SORD: variants seen among roughly 807,000 people sequenced by gnomAD.
The protein encoded by SORD is sorbitol dehydrogenase.
In SORD, 18 loss-of-function variants were observed where a neutral mutation model predicts 35.6. The observed-to-expected ratio is 0.51, with a 90% CI of 0.35 to 0.75. The LOEUF is 0.75. SORD is among the 30% of genes least tolerant of loss of function. SORD has a pLI of 0.01. For missense variants in SORD, 250 were observed against 390.2 expected (o/e 0.64, Z 3.03); for synonymous variants, 106 against 152.9 (o/e 0.69, Z 2.26).
At chr15:45,023,453 A>G (rs1415759521) in intron 1 of SORD, 104 bp downstream of exon 1, 2 of 1,041,628 alleles carry the variant, frequency 1.9e-6, no homozygotes, top group Non-Finnish European at 2.6e-6. Context: ...CCGGCCCCGC[A>G]CCTTAAGCGC....
At position 45,045,540 on chromosome 15, in the gene SORD, A is replaced by T. The variant is rs1459662276; in HGVS notation, c.265+2119A>T. Among the ~76,000 whole-genome samples, 169 of 47,462 alleles carry T rather than the reference A, an allele frequency of 3.6e-3. 1 individual carries two copies. In the Middle Eastern group the frequency reaches 0.043, roughly 12 times the overall value. The allele number at this position is 47,462 out of a possible 152,430, so 31.1% of individuals were successfully genotyped here. A position where few individuals can be genotyped will look rare whatever the true frequency, so the allele number is the denominator to read the frequency against. Reference sequence around the variant, plus strand: ...TTGGTGAGAGACAGAGCAAGACTCCATCTCAAAAAAAAAAAAAAAAAAAAA... The same window carrying T: ...TTGGTGAGAGACAGAGCAAGACTCCTTCTCAAAAAAAAAAAAAAAAAAAAA... On this transcript the variant is annotated intron_variant, in intron 3 of 8. Transcript: ENST00000267814.
At chr15:45,040,588 C>T in intron 2 of SORD, 147 bp downstream of exon 2, 1 of 670,014 alleles carries the variant, frequency 1.5e-6, no homozygotes, top group Admixed American at 2.6e-5. Flanking sequence ...AGGCTGAGAA[C>T]AGAGTCTACT....
intron 3 of SORD, among the ~76,000 whole-genome samples, chr15:45,051,355 C>T (rs936513781): frequency 7.9e-5 from 12 of 152,270 alleles, no homozygotes; most frequent in African/African-American, 2.4e-4. Flanking sequence ...GGCAATCCCA[C>T]GTAACTAAAC....
chr15:45,024,197 A>G, intron 1 of SORD, among the ~76,000 whole-genome samples: 1 of 152,104 alleles, frequency 6.6e-6, no homozygotes, highest in East Asian at 1.9e-4. Flanking sequence ...TGGGCCTGGG[A>G]TGGCAGTGGG....
chr15:45,046,260 C>G lies in SORD; in HGVS notation c.265+2839C>G, dbSNP rs548664890. Among the ~76,000 whole-genome samples the G allele has an allele frequency of 1.6e-4, 24 of 152,114 alleles. No homozygotes were observed. The East Asian group carries it at 1.9e-3, about 12-fold the overall frequency. On this transcript the variant is annotated intron_variant, in intron 3 of 8. Transcript: ENST00000267814. ...GACAAATATAGACATTTTATTTTTTCGAGATGAAGTCTCATTCTGTTGTCC... is the reference window on the plus strand; with the variant it reads ...GACAAATATAGACATTTTATTTTTTGGAGATGAAGTCTCATTCTGTTGTCC...
chr15:45,048,311 T>C (rs952905285), intron 3 of SORD, among the ~76,000 whole-genome samples: 1 of 152,186 alleles, frequency 6.6e-6, no homozygotes, highest in Non-Finnish European at 1.5e-5. Context: ...GCAATAAAAA[T>C]TTGTCTAGCA....
At chr15:45,058,930 A>G (rs1012054067) in intron 3 of SORD, among the ~76,000 whole-genome samples, 6 of 152,204 alleles carry the variant, frequency 3.9e-5, no homozygotes, top group South Asian at 2.1e-4. Flanking sequence ...AACTACGGGC[A>G]TGTTTTAAGC....
chr15:45,026,875 T>G (rs879697042), intron 1 of SORD, among the ~76,000 whole-genome samples: 26,747 of 130,970 alleles, frequency 0.2, no homozygotes, highest in African/African-American at 0.47. Context: ...AATGCGACCT[T>G]AGTCCACTTT....
At chr15:45,027,892 T>A (rs72722060) in intron 1 of SORD, among the ~76,000 whole-genome samples, 11,343 of 150,610 alleles carry the variant, frequency 0.075, 84 homozygotes, top group African/African-American at 0.17. Flanking sequence ...ATTGACTGCC[T>A]ACTGCATTCC....
chr15:45,061,740 G>A (rs945655181), intron 4 of SORD, among the ~76,000 whole-genome samples: 2 of 151,978 alleles, frequency 1.3e-5, no homozygotes, highest in African/African-American at 2.4e-5. Flanking sequence ...CTGGTGGCAG[G>A]CACCTGTAGT....
chr15:45,023,772 T>C (rs1040584200), intron 1 of SORD, among the ~76,000 whole-genome samples: 1 of 152,212 alleles, frequency 6.6e-6, no homozygotes, highest in Non-Finnish European at 1.5e-5. Flanking sequence ...ACAGCAGAAC[T>C]TGTATTTAAC....
intron 5 of SORD, among the ~76,000 whole-genome samples, chr15:45,065,703 T>G (rs1346126817): frequency 6.6e-6 from 1 of 152,230 alleles, no homozygotes; most frequent in Non-Finnish European, 1.5e-5. Context: ...GTGGATCACC[T>G]GAGCCCAGGA....
intron 1 of SORD, among the ~76,000 whole-genome samples, chr15:45,031,166 A>G (rs1892778916): frequency 1.3e-5 from 2 of 152,314 alleles, no homozygotes; most frequent in South Asian, 4.1e-4. Context: ...AAAAATGTAA[A>G]AAGTAGCCGG....
rs745509632 is a variant in SORD, at chr15:45,061,129, C to A, written c.328C>A (p.Arg110=). 1.2e-6 allele frequency: 2 copies of A among 1,614,140 alleles called. No individual in the cohort carries two copies. The highest frequency in any genetic ancestry group is 1.7e-6 in the Non-Finnish European group (2 of 1,180,008). The part of the protein sequence containing the change: ...RENDEFCKMG[R]YNLSPSIFFC... ...AAATGATGAATTCTGCAAGATGGGC[C>A]GATACAATCTGTCACCTTCCATCTT... The change falls in exon 4 of 9, where the codon CGA becomes AGA. Residue 110 remains arginine, a synonymous_variant. Transcript: ENST00000267814.
intron 1 of SORD, among the ~76,000 whole-genome samples, chr15:45,031,409 C>T (rs1458802006): frequency 6.6e-6 from 1 of 151,950 alleles, no homozygotes; most frequent in African/African-American, 2.4e-5. Context: ...ATTTGGATTT[C>T]CCTTGAAACA....
intron 5 of SORD, among the ~76,000 whole-genome samples, chr15:45,065,857 GT>G (rs1412774268): frequency 6.6e-6 from 1 of 151,990 alleles, no homozygotes; most frequent in Admixed American, 6.5e-5. Flanking sequence ...GAGGTCAAGG[GT>G]GCAGCGAGCC....
rs1000363957 is a variant in SORD, at chr15:45,046,349, T to G, written c.265+2928T>G. On this transcript the variant is annotated intron_variant, in intron 3 of 8. Coordinates refer to ENST00000267814, the MANE Select transcript of SORD (RefSeq NM_003104.6). ...CCTCAGCCTCCCAGGTTCAAGTGAT[T>G]CTTGTGCCTCAGCCTCCTGAGTAGC... Among the ~76,000 whole-genome samples, 21 of 152,158 alleles carry G rather than the reference T, an allele frequency of 1.4e-4. No individual in the cohort carries two copies. The East Asian group carries it at 1.7e-3, about 13-fold the overall frequency.
chr15:45,043,942 T>C (rs1354244453), intron 3 of SORD, among the ~76,000 whole-genome samples: 2 of 152,374 alleles, frequency 1.3e-5, no homozygotes, highest in East Asian at 3.9e-4. Context: ...TAAATCCAAG[T>C]TGTCTTGGCA....
At chr15:45,040,316 T>C (rs2470676) in intron 1 of SORD, 92 bp from the exon 2 acceptor site, 4 of 869,932 alleles carry the variant, frequency 4.6e-6, no homozygotes, top group Admixed American at 2.1e-5. Flanking sequence ...AAATAAACTA[T>C]TGATGAAACT....
Sources: allele counts gnomAD v4.1 joint callset (sites outside exome capture counted in the v4.1 genomes callset), GRCh38; gene constraint gnomAD v4.1.1; transcripts MANE v1.5; gene names NCBI Gene and HGNC (gene_info 2026-07-23, HGNC 2026-07-21).